SPDYA: variants seen among roughly 807,000 people sequenced by gnomAD.
SPDYA encodes speedy protein A.
In SPDYA, 11 loss-of-function variants were observed where a neutral mutation model predicts 36.7. The observed-to-expected ratio is 0.30, with a 90% CI of 0.19 to 0.50. SPDYA has a LOEUF of 0.50. Among genes scored for constraint, SPDYA ranks in the 20% least tolerant of loss-of-function variants. The pLI is 0.98. For synonymous variants in SPDYA, 115 were observed against 118.7 expected (o/e 0.97, Z 0.20); for missense variants, 287 against 370.9 (o/e 0.77, Z 1.86).
chr2:28,836,448 TA>T (rs1668605256), intron 6 of SPDYA, among the ~76,000 whole-genome samples: 1 of 152,254 alleles, frequency 6.6e-6, no homozygotes, highest in Non-Finnish European at 1.5e-5. Flanking sequence ...CAGATACTAA[TA>T]ACTTAGTGCT....
chr2:28,820,133 G>A (rs1668120852), intron 4 of SPDYA, among the ~76,000 whole-genome samples: 1 of 151,690 alleles, frequency 6.6e-6, no homozygotes, highest in Non-Finnish European at 1.5e-5. Context: ...CTTTACTAAG[G>A]TAGTCTGCAT....
intron 5 of SPDYA, among the ~76,000 whole-genome samples, chr2:28,823,735 ATATATAT>A (rs1668235402): frequency 1.1e-5 from 1 of 89,612 alleles, no homozygotes; most frequent in Non-Finnish European, 2.3e-5. Context: ...ATATATATAT[ATATATAT>A]ATAAAATTTT....
chr2:28,828,077 T>G (rs769549635), intron 5 of SPDYA, among the ~76,000 whole-genome samples: 4 of 151,814 alleles, frequency 2.6e-5, no homozygotes, highest in African/African-American at 4.8e-5. Flanking sequence ...ACCTCTGCCT[T>G]CCGGGTTCAA....
At chr2:28,839,392 A>C (rs532281004) in intron 6 of SPDYA, among the ~76,000 whole-genome samples, 2 of 152,334 alleles carry the variant, frequency 1.3e-5, no homozygotes, top group African/African-American at 4.8e-5. Context: ...ACTGAGGAAC[A>C]GCGAGGTTAA....
intron 7 of SPDYA, among the ~76,000 whole-genome samples, chr2:28,843,595 ATTC>A (rs1466232371): frequency 2.0e-5 from 3 of 151,592 alleles, no homozygotes; most frequent in African/African-American, 4.8e-5. Flanking sequence ...TAGATGAAGC[ATTC>A]TTTTTTTTTT....
chr2:28,825,510 C>A (rs1485166198), intron 5 of SPDYA, among the ~76,000 whole-genome samples: 2 of 152,118 alleles, frequency 1.3e-5, no homozygotes, highest in Non-Finnish European at 2.9e-5. Flanking sequence ...TAAATATTTT[C>A]TCAGCCATAG....
At chr2:28,835,311 C>T (rs868467171) in intron 6 of SPDYA, among the ~76,000 whole-genome samples, 6 of 151,906 alleles carry the variant, frequency 3.9e-5, no homozygotes, top group African/African-American at 1.5e-4. Flanking sequence ...CTGCAACCTC[C>T]ACCTCCTGGG....
intron 6 of SPDYA, among the ~76,000 whole-genome samples, chr2:28,831,611 T>C (rs1373732762): frequency 6.6e-6 from 1 of 152,236 alleles, no homozygotes; most frequent in Admixed American, 6.5e-5. Flanking sequence ...AAATTTGTAA[T>C]TATTTATTTG....
Position 28,850,323 on chromosome 2 carries a change from C to G in SPDYA, c.*382C>G, listed in dbSNP as rs749701624. On this transcript the variant is annotated 3_prime_UTR_variant, in exon 8 of 8. Transcript: ENST00000334056. Reference sequence around the variant, plus strand: ...CATTTAATATGTTCTGAAAACATTACTCACCTGTATGACCAGGTTGCCAGT... The same window carrying G: ...CATTTAATATGTTCTGAAAACATTAGTCACCTGTATGACCAGGTTGCCAGT... 5 of 1,607,016 alleles carry G rather than the reference C, an allele frequency of 3.1e-6. No homozygotes were observed. The highest frequency in any genetic ancestry group is 1.7e-4 in the Middle Eastern group (1 of 5,932).
In SPDYA at chr2:28,822,386, C is replaced by T. The variant is rs748006135; in HGVS notation, c.356C>T (p.Thr119Ile). The change falls in exon 5 of 8, where the codon ACC becomes ATC. Residue 119 changes from threonine to isoleucine, a missense_variant. Transcript: ENST00000334056. Reference protein sequence around the residue: ...KRAKFTISEHTRINFFIALYL... With the variant: ...KRAKFTISEHIRINFFIALYL... Reference sequence around the variant, plus strand: ...GCTAAATTTACTATAAGTGAGCATACCAGGATAAATTTCTTTATTGCTCTG... The same window carrying T: ...GCTAAATTTACTATAAGTGAGCATATCAGGATAAATTTCTTTATTGCTCTG... 1 of 1,568,018 alleles carries T rather than the reference C, an allele frequency of 6.4e-7. No individual in the cohort carries two copies. The highest frequency in any genetic ancestry group is 8.7e-7 in the Non-Finnish European group (1 of 1,153,408).
At chr2:28,829,959 AGAAAAGAAAAG>A (rs1668438895) in intron 6 of SPDYA, among the ~76,000 whole-genome samples, 1 of 49,548 alleles carries the variant, frequency 2.0e-5, no homozygotes, top group Non-Finnish European at 4.3e-5. Context: ...AAAAAAAAAA[AGAAAAGAAAAG>A]AAAAAGAAAA....
chr2:28,816,225 A>G lies in SPDYA; in HGVS notation c.211A>G (p.Met71Val), dbSNP rs775322937. 8.1e-6 allele frequency: 13 copies of G among 1,603,824 alleles called. No individual in the cohort carries two copies. In the South Asian group the frequency reaches 1.5e-4, roughly 18 times the overall value. ...TTGTCTGGTTATACAGCGTCAGGAT[A>G]TGACTGCTTTCTTTAAATTATTTGG... is the stretch of plus-strand genomic sequence containing the variant. ...GPCLVIQRQDMTAFFKLFDDD... is the reference protein window; with the variant it reads ...GPCLVIQRQDVTAFFKLFDDD... Residue 71 changes from methionine (M) to valine (V), a missense_variant, in exon 3 of 8, where the codon ATG becomes GTG. By Grantham distance (21) the Met-to-Val change is conservative. Transcript: ENST00000334056.
intron 7 of SPDYA, among the ~76,000 whole-genome samples, chr2:28,845,608 G>A (rs533933487): frequency 3.3e-5 from 5 of 152,222 alleles, no homozygotes; most frequent in East Asian, 3.9e-4. Flanking sequence ...GCAATGGTGC[G>A]ATCTCAGCTC....
At chr2:28,813,744 G>T (rs991180260) in intron 1 of SPDYA, among the ~76,000 whole-genome samples, 1 of 152,004 alleles carries the variant, frequency 6.6e-6, no homozygotes, top group Admixed American at 6.6e-5. Context: ...TAGAGACGGG[G>T]TTTCACCATG....
chr2:28,821,046 A>G (rs1668142601), intron 4 of SPDYA, among the ~76,000 whole-genome samples: 1 of 152,166 alleles, frequency 6.6e-6, no homozygotes, highest in East Asian at 1.9e-4. Flanking sequence ...CTAACATTTT[A>G]TCCATAAATA....
chr2:28,830,039 T>C (rs1000121486), intron 6 of SPDYA, among the ~76,000 whole-genome samples: 1 of 150,794 alleles, frequency 6.6e-6, no homozygotes, highest in Non-Finnish European at 1.5e-5. Flanking sequence ...CTTGGGAGGC[T>C]GAGGCAGGAG....
At position 28,817,486 on chromosome 2, in the gene SPDYA, G is replaced by A. The variant is rs188096007; in HGVS notation, c.235+1237G>A. On this transcript the variant is annotated intron_variant, in intron 3 of 7. Transcript: ENST00000334056. ...TGAGGCAGGAGAATCGCTTCAACCCGGGAGGTGGAGGTTGCGGTGAGCCGA... is the reference window on the plus strand; with the variant it reads ...TGAGGCAGGAGAATCGCTTCAACCCAGGAGGTGGAGGTTGCGGTGAGCCGA... Among the ~76,000 whole-genome samples, 207 of 151,906 alleles carry A rather than the reference G, an allele frequency of 1.4e-3. 1 individual carries two copies. The highest frequency in any genetic ancestry group is 2.4e-3 in the Non-Finnish European group (160 of 67,956).
intron 2 of SPDYA, among the ~76,000 whole-genome samples, chr2:28,815,666 C>T (rs72854758): frequency 0.096 from 14,589 of 151,616 alleles, 744 homozygotes; most frequent in East Asian, 0.17. Flanking sequence ...GAAAATTAGC[C>T]GGAAAAAAGA....
At chr2:28,836,346 A>C (rs1016620227) in intron 6 of SPDYA, among the ~76,000 whole-genome samples, 10 of 152,190 alleles carry the variant, frequency 6.6e-5, no homozygotes, top group Non-Finnish European at 1.2e-4. Context: ...CTTGGGAATT[A>C]AATAGCCGCA....
Sources: gnomAD v4.1 joint callset for allele counts (sites outside exome capture counted in the v4.1 genomes callset) on GRCh38, gnomAD v4.1.1 for gene constraint, MANE v1.5 for transcripts, NCBI Gene and HGNC (gene_info 2026-07-23, HGNC 2026-07-21) for gene names.